MIPOL1: variants seen among roughly 807,000 people sequenced by gnomAD.
MIPOL1 encodes the protein mirror-image polydactyly 1.
Under a neutral mutation model 60.9 loss-of-function variants are expected in MIPOL1, and 57 were observed. The ratio of observed to expected loss-of-function variants is 0.94; its 90% CI spans 0.76 to 1.17. MIPOL1 has a LOEUF of 1.17. MIPOL1 is among the 50% of genes most tolerant of loss of function. The pLI, the probability that MIPOL1 is intolerant of heterozygous loss-of-function variation, is 0.00. For missense variants in MIPOL1, 551 were observed against 511.6 expected, an observed-to-expected ratio of 1.08 and a Z score of -0.74; for synonymous variants, 179 against 168.8, an observed-to-expected ratio of 1.06 and a Z score of -0.47.
intron 11 of MIPOL1, among the ~76,000 whole-genome samples, chr14:37,453,277 T>G (rs1270024881): frequency 1.3e-5 from 2 of 152,176 alleles, no homozygotes; most frequent in Non-Finnish European, 2.9e-5. Context: ...TGAATTATCT[T>G]TATTTAAATG....
chr14:37,531,836 A>G (rs547944538), intron 12 of MIPOL1, among the ~76,000 whole-genome samples: 31 of 152,176 alleles, frequency 2.0e-4, no homozygotes, highest in African/African-American at 6.5e-4. Context: ...AGGTGACTAT[A>G]TGGTACATTG....
intron 10 of MIPOL1, chr14:37,400,283 T>C (rs925375217): frequency 1.3e-5 from 2 of 152,076 alleles, no homozygotes; most frequent in African/African-American, 2.4e-5. Flanking sequence ...GCAAAACTTA[T>C]TGACTCGCTC....
At chr14:37,234,942 A>ATTTTTTTTTTTTTTTTT in intron 1 of MIPOL1, among the ~76,000 whole-genome samples, 1 of 116,830 alleles carries the variant, frequency 8.6e-6, no homozygotes, top group Non-Finnish European at 1.7e-5. Context: ...CGTACGGCTA[A>ATTTTTTTTTTTTTTTTT]TTTTTTTTTT....
At chr14:37,339,609 G>T (rs990435584) in intron 9 of MIPOL1, among the ~76,000 whole-genome samples, 1 of 152,068 alleles carries the variant, frequency 6.6e-6, no homozygotes, top group South Asian at 2.1e-4. Flanking sequence ...GCATAAAATG[G>T]AATACTATTT....
intron 10 of MIPOL1, 98 bp from the exon 11 acceptor site, chr14:37,422,757 T>TA (rs2093896408): frequency 1.4e-6 from 1 of 719,514 alleles, no homozygotes; most frequent in South Asian, 2.0e-5. Flanking sequence ...TTTTTTTTTT[T>TA]AACTGTCAGT....
intron 3 of MIPOL1, among the ~76,000 whole-genome samples, chr14:37,252,968 A>G (rs1265909632): frequency 2.0e-5 from 3 of 151,846 alleles, no homozygotes. Context: ...GCTGGTAGAA[A>G]AAAAGCTATT....
At chr14:37,299,835 A>G (rs984368632) in intron 7 of MIPOL1, among the ~76,000 whole-genome samples, 3 of 151,988 alleles carry the variant, frequency 2.0e-5, no homozygotes, top group Non-Finnish European at 2.9e-5. Context: ...CTAGGATCCT[A>G]TGCAGGATTG....
intron 11 of MIPOL1, among the ~76,000 whole-genome samples, chr14:37,452,107 G>A (rs913020408): frequency 6.6e-6 from 1 of 151,968 alleles, no homozygotes; most frequent in South Asian, 2.1e-4. Flanking sequence ...GAGCCACCGC[G>A]CCCGGCCTGT....
intron 10 of MIPOL1, among the ~76,000 whole-genome samples, chr14:37,416,870 C>T (rs1412366696): frequency 6.6e-6 from 1 of 152,158 alleles, no homozygotes; most frequent in Admixed American, 6.5e-5. Flanking sequence ...TGTTTTGCAG[C>T]ACATCTTCTG....
intron 10 of MIPOL1, among the ~76,000 whole-genome samples, chr14:37,402,808 A>T (rs1157414397): frequency 1.3e-5 from 2 of 152,230 alleles, no homozygotes; most frequent in African/African-American, 4.8e-5. Flanking sequence ...TTAAACAGCA[A>T]TGAGCTTAGG....
chr14:37,462,034 C>T (rs2094545472), intron 11 of MIPOL1, among the ~76,000 whole-genome samples: 1 of 152,154 alleles, frequency 6.6e-6, no homozygotes, highest in Non-Finnish European at 1.5e-5. Flanking sequence ...TGTAGGGGCT[C>T]CCACCCCACA....
intron 9 of MIPOL1, among the ~76,000 whole-genome samples, chr14:37,367,762 T>G (rs934721519): frequency 2.6e-5 from 4 of 152,072 alleles, no homozygotes; most frequent in African/African-American, 9.6e-5. Flanking sequence ...TATATTAAAT[T>G]TAATTGAAAA....
chr14:37,478,394 G>A (rs1457688750), intron 11 of MIPOL1, among the ~76,000 whole-genome samples: 1 of 152,102 alleles, frequency 6.6e-6, no homozygotes, highest in Admixed American at 6.6e-5. Flanking sequence ...GATTTGTGGT[G>A]ATAAAACATC....
At chr14:37,208,126 G>A (rs1966389494) in intron 1 of MIPOL1, among the ~76,000 whole-genome samples, 1 of 152,148 alleles carries the variant, frequency 6.6e-6, no homozygotes, top group Non-Finnish European at 1.5e-5. Flanking sequence ...ATTTTATACT[G>A]TTTTGGATGC....
In MIPOL1 at chr14:37,422,895, T is replaced by C. The variant is rs374378242; in HGVS notation, c.977T>C (p.Val326Ala). ...ATGCAACAAGCCAGAGAAACTGCAGTTCAACAGTACAAAAAACTGGAAGAG... is the reference window on the plus strand; with the variant it reads ...ATGCAACAAGCCAGAGAAACTGCAGCTCAACAGTACAAAAAACTGGAAGAG... ...LSMQQARETA[V>A]QQYKKLEEEI... The change falls in exon 11 of 13, where the codon GTT becomes GCT. Residue 326 changes from valine (V) to alanine (A), a missense_variant. Val to Ala is a moderately conservative substitution (Grantham distance 64). Coordinates refer to ENST00000684589, the MANE Select transcript of MIPOL1 (RefSeq NM_001388067.1). The C allele has an allele frequency of 6.2e-7, 1 of 1,609,328 alleles. No homozygotes were observed. The highest frequency in any genetic ancestry group is 8.5e-7 in the Non-Finnish European group (1 of 1,177,320).
intron 11 of MIPOL1, among the ~76,000 whole-genome samples, chr14:37,450,076 G>A (rs2094395575): frequency 6.6e-6 from 1 of 152,178 alleles, no homozygotes; most frequent in Non-Finnish European, 1.5e-5. Flanking sequence ...GTCTCCCAAA[G>A]TGCTGGGATT....
At chr14:37,296,307 G>A (rs1289030992) in intron 7 of MIPOL1, among the ~76,000 whole-genome samples, 1 of 152,130 alleles carries the variant, frequency 6.6e-6, no homozygotes. Flanking sequence ...TCAAAGCAGT[G>A]TGTAGAGGGA....
intron 11 of MIPOL1, among the ~76,000 whole-genome samples, chr14:37,457,651 G>A (rs922399924): frequency 6.6e-6 from 1 of 152,118 alleles, no homozygotes; most frequent in Non-Finnish European, 1.5e-5. Flanking sequence ...TGATACACAT[G>A]ACCTTTTCTA....
At chr14:37,495,480 A>G (rs926833250) in intron 11 of MIPOL1, among the ~76,000 whole-genome samples, 3 of 150,398 alleles carry the variant, frequency 2.0e-5, no homozygotes, top group Non-Finnish European at 3.0e-5. Flanking sequence ...TTATGGCTGC[A>G]TAGTATCCCA....
Sources: gnomAD v4.1 joint callset for allele counts (sites outside exome capture counted in the v4.1 genomes callset) on GRCh38, gnomAD v4.1.1 for gene constraint, MANE v1.5 for transcripts, NCBI Gene and HGNC (gene_info 2026-07-23, HGNC 2026-07-21) for gene names.